Variants in RNF212 observed in about 807,000 individuals in gnomAD.
RNF212 encodes the protein ring finger protein 212.
A neutral mutation model predicts 34.7 loss-of-function variants in RNF212; 33 were observed. The ratio of observed to expected loss-of-function variants is 0.95; its 90% CI spans 0.72 to 1.27. The LOEUF (loss-of-function observed/expected upper bound fraction) is 1.27. Among genes scored for constraint, RNF212 ranks in the 50% most tolerant of loss-of-function variants. The probability of loss-of-function intolerance (pLI) is 0.00; values close to 1 mark genes in which losing one functional copy is unlikely to be tolerated. For synonymous variants in RNF212, 140 were observed against 136.1 expected, an observed-to-expected ratio of 1.03 and a Z score of -0.20; for missense variants, 377 against 362.2, an observed-to-expected ratio of 1.04 and a Z score of -0.33.
chr4:1,092,737 G>A (rs1722384087), intron 3 of RNF212, among the ~76,000 whole-genome samples: 1 of 152,254 alleles, frequency 6.6e-6, no homozygotes. Context: ...TCAGCCCAGG[G>A]CCCCAAGGAA....
Position 1,072,747 on chromosome 4 carries a change from G to A in RNF212, c.*127C>T, listed in dbSNP as rs1441015138. The A allele has an allele frequency of 1.4e-6, 2 of 1,436,932 alleles. No homozygotes were observed. Among genetic ancestry groups the A allele is most frequent in the East Asian group, 2.5e-5 (1 of 40,008 alleles). The allele number at this position is 1,436,932 out of a possible 1,614,324, so 89.0% of individuals were successfully genotyped here. On this transcript the variant is annotated 3_prime_UTR_variant, in exon 10 of 10. Coordinates refer to ENST00000433731, the MANE Select transcript of RNF212 (RefSeq NM_001131034.4). Reference sequence around the variant, plus strand: ...AAATTACAAAGCAAATTGGGTAAAAGGTTAATATCCTGCACACTGAGGGCT... The same window carrying A: ...AAATTACAAAGCAAATTGGGTAAAAAGTTAATATCCTGCACACTGAGGGCT...
intron 2 of RNF212, among the ~76,000 whole-genome samples, chr4:1,104,434 A>G (rs10032349): frequency 0.82 from 124,076 of 152,184 alleles, 52,201 homozygotes; most frequent in East Asian, 1. Flanking sequence ...CCTGTTCTCC[A>G]GGGCTTCTGT....
intron 4 of RNF212, among the ~76,000 whole-genome samples, chr4:1,057,919 AGTGTGGTG>A (rs1717440991): frequency 1.3e-5 from 2 of 152,060 alleles, no homozygotes; most frequent in African/African-American, 4.8e-5. Flanking sequence ...AAATTAGCCG[AGTGTGGTG>A]GCACATGCCT....
At chr4:1,092,678 T>A (rs920931344) in intron 3 of RNF212, among the ~76,000 whole-genome samples, 1 of 152,208 alleles carries the variant, frequency 6.6e-6, no homozygotes. Context: ...AATGAAATCA[T>A]TGCAAAACTC....
At chr4:1,077,392 TTTTC>T (rs749176648) in intron 8 of RNF212, among the ~76,000 whole-genome samples, 16 of 152,202 alleles carry the variant, frequency 1.1e-4, no homozygotes, top group Admixed American at 2.6e-4. Context: ...CCTGCCAGTC[TTTTC>T]TTTCTTTTTT....
At chr4:1,092,622 A>G (rs1722362165) in intron 3 of RNF212, among the ~76,000 whole-genome samples, 1 of 152,250 alleles carries the variant, frequency 6.6e-6, no homozygotes. Context: ...GTGAGTGTTT[A>G]TCTTGCAGAG....
intron 3 of RNF212, among the ~76,000 whole-genome samples, chr4:1,060,486 G>A (rs1043142211): frequency 2.6e-5 from 4 of 152,216 alleles, no homozygotes; most frequent in South Asian, 2.1e-4. Flanking sequence ...TGAGGTGGGA[G>A]GAGCTCCTCA....
At chr4:1,065,271 C>T (rs948938947) in intron 3 of RNF212, among the ~76,000 whole-genome samples, 6 of 152,210 alleles carry the variant, frequency 3.9e-5, no homozygotes, top group Non-Finnish European at 7.3e-5. Flanking sequence ...GCTTCCAATT[C>T]CTCCGCGTCC....
chr4:1,078,313 C>A (rs1719670685), intron 8 of RNF212, among the ~76,000 whole-genome samples: 1 of 152,208 alleles, frequency 6.6e-6, no homozygotes, highest in Admixed American at 6.5e-5. Context: ...AAGTCCTGAT[C>A]CCTCCTATGG....
downstream of RNF212, among the ~76,000 whole-genome samples, chr4:1,068,083 C>A (rs1248311928): frequency 6.6e-6 from 1 of 152,136 alleles, no homozygotes; most frequent in Non-Finnish European, 1.5e-5. Context: ...AAAATCCTGG[C>A]AGACTTTCTC....
At chr4:1,099,976 G>A (rs191987816) in intron 2 of RNF212, 3 of 432,224 alleles carry the variant, frequency 6.9e-6, no homozygotes, top group South Asian at 1.6e-5. Context: ...AGCCACTGCC[G>A]CTAGGCAGGA....
chr4:1,070,132 A>G (rs1413537108), downstream of RNF212, among the ~76,000 whole-genome samples: 3 of 132,482 alleles, frequency 2.3e-5, no homozygotes, highest in Admixed American at 7.7e-5. Context: ...GGCCTGAGTT[A>G]CGGGTGGTTT....
At chr4:1,079,941 C>A (rs1720057844) in intron 7 of RNF212, among the ~76,000 whole-genome samples, 1 of 152,236 alleles carries the variant, frequency 6.6e-6, no homozygotes, top group Non-Finnish European at 1.5e-5. Flanking sequence ...TGGTTGGGCT[C>A]TCCCTGGCAT....
In RNF212 at chr4:1,081,491, C is replaced by T. The variant is rs55648209; in HGVS notation, c.416-24G>A. The T allele has an allele frequency of 2.6e-4, 420 of 1,612,842 alleles. 1 individual carries two copies. The highest frequency in any genetic ancestry group is 4.9e-4 in the Middle Eastern group (3 of 6,084). ...TGCTGGAAGAGTGATGACGAAAATG[C>T]CAGCGTCAGTGCACACAGTGTGACT... On this transcript the variant is annotated intron_variant, in intron 6 of 9. Transcript: ENST00000433731.
chr4:1,064,266 G>A (rs1193664403), intron 3 of RNF212, among the ~76,000 whole-genome samples: 1 of 152,200 alleles, frequency 6.6e-6, no homozygotes, highest in Non-Finnish European at 1.5e-5. Flanking sequence ...GCTATATGGA[G>A]CAATGTGGTT....
Position 1,061,568 on chromosome 4 carries a change from C to T in RNF212, n.148-3175G>A, listed in dbSNP as rs542110652. Among the ~76,000 whole-genome samples the T allele has an allele frequency of 6.6e-5, 10 of 152,298 alleles. No individual in the cohort carries two copies. The East Asian group carries it at 1.5e-3, about 24-fold the overall frequency. On this transcript the variant is annotated intron_variant and non_coding_transcript_variant, in intron 3 of 4. Coordinates refer to the RNF212 transcript ENST00000503206. Reference sequence around the variant, plus strand: ...AGGGGACCAGGAACTGACTGGATATCGGCTCCCCACATGCACAGATCATTG... The same window carrying T: ...AGGGGACCAGGAACTGACTGGATATTGGCTCCCCACATGCACAGATCATTG...
chr4:1,109,473 C>T (rs1168372599), intron 1 of RNF212, among the ~76,000 whole-genome samples: 1 of 152,214 alleles, frequency 6.6e-6, no homozygotes, highest in Non-Finnish European at 1.5e-5. Flanking sequence ...CAAACCTGAA[C>T]AAGCCCGGTG....
At chr4:1,086,884 G>T in intron 4 of RNF212, among the ~76,000 whole-genome samples, 1 of 3,186 alleles carries the variant, frequency 3.1e-4, no homozygotes. Context: ...GGGTAGGGAT[G>T]AGGGGATGGG....
At chr4:1,058,269 T>G (rs1192610466) in intron 4 of RNF212, 2 of 632,008 alleles carry the variant, frequency 3.2e-6, no homozygotes, top group African/African-American at 4.4e-5. Flanking sequence ...GTGAAGAAGG[T>G]GCTTGCGGGG....
Sources: gnomAD v4.1 joint callset for allele counts (sites outside exome capture counted in the v4.1 genomes callset) on GRCh38, gnomAD v4.1.1 for gene constraint, MANE v1.5 for transcripts, NCBI Gene and HGNC (gene_info 2026-07-23, HGNC 2026-07-21) for gene names.